Variants in AUTS2 observed in about 807,000 individuals in gnomAD.
AUTS2 encodes activator of transcription and developmental regulator AUTS2, also known as autism susceptibility gene 2 protein.
In AUTS2, 17 loss-of-function variants were observed where a neutral mutation model predicts 112.4. The observed-to-expected ratio is 0.15, with a 90% CI of 0.10 to 0.23. The LOEUF (loss-of-function observed/expected upper bound fraction) is 0.23. Among genes scored for constraint, AUTS2 ranks in the 10% least tolerant of loss-of-function variants. AUTS2 has a pLI of 1.00. For synonymous variants in AUTS2, 751 were observed against 702.7 expected (o/e 1.07, Z -1.09); for missense variants, 1,510 against 1,701.6 (o/e 0.89, Z 1.98).
intron 5 of AUTS2, among the ~76,000 whole-genome samples, chr7:70,500,864 A>G (rs1208477550): frequency 6.6e-6 from 1 of 151,928 alleles, no homozygotes; most frequent in African/African-American, 2.4e-5. Context: ...CTGGGATTTC[A>G]GGCATCCGCC....
chr7:69,866,779 T>C (rs1264637717), intron 1 of AUTS2, among the ~76,000 whole-genome samples: 38 of 152,178 alleles, frequency 2.5e-4, no homozygotes, highest in Admixed American at 2.5e-3. Context: ...AGAACTGAGA[T>C]AGAAGGAATT....
At chr7:70,575,101 CG>C (rs1802103597) in intron 5 of AUTS2, among the ~76,000 whole-genome samples, 1 of 152,178 alleles carries the variant, frequency 6.6e-6, no homozygotes, top group Admixed American at 6.5e-5. Context: ...CTGCAGACAG[CG>C]AAGGCTTTAT....
chr7:69,752,408 T>C (rs1165899339), intron 1 of AUTS2, among the ~76,000 whole-genome samples: 1 of 152,258 alleles, frequency 6.6e-6, no homozygotes, highest in East Asian at 1.9e-4. Flanking sequence ...ATTAGTCTTT[T>C]TCTTCTTTAT....
intron 4 of AUTS2, among the ~76,000 whole-genome samples, chr7:70,229,777 A>G (rs781493689): frequency 6.6e-5 from 10 of 151,972 alleles, no homozygotes; most frequent in Non-Finnish European, 1.0e-4. Flanking sequence ...TGTTCTTCAG[A>G]TTTACAACCT....
At chr7:70,111,135 T>C (rs558881064) in intron 2 of AUTS2, among the ~76,000 whole-genome samples, 10 of 152,146 alleles carry the variant, frequency 6.6e-5, no homozygotes, top group Admixed American at 3.9e-4. Context: ...CGCCTCGGCC[T>C]CCCAAAGTAC....
In AUTS2 at chr7:70,463,441, C is replaced by T. The variant is rs114714955; in HGVS notation, c.690+27660C>T. 1.0e-3 allele frequency among the ~76,000 whole-genome samples: 159 copies of T among 152,272 alleles called. 1 individual carries two copies. The highest frequency in any genetic ancestry group is 3.7e-3 in the African/African-American group (155 of 41,550). ...TAGGACATTGGAGTACTTGTTGCAGCGTGCAAGAAGTGGACTTTGTCCAGC... is the reference window on the plus strand; with the variant it reads ...TAGGACATTGGAGTACTTGTTGCAGTGTGCAAGAAGTGGACTTTGTCCAGC... On this transcript the variant is annotated intron_variant, in intron 5 of 18. Transcript: ENST00000342771.
At chr7:69,979,056 T>C (rs1312374475) in intron 2 of AUTS2, among the ~76,000 whole-genome samples, 1 of 152,188 alleles carries the variant, frequency 6.6e-6, no homozygotes, top group Non-Finnish European at 1.5e-5. Flanking sequence ...TTTGGAAATT[T>C]ACATAATCAT....
intron 1 of AUTS2, among the ~76,000 whole-genome samples, chr7:69,718,243 T>C (rs1798724026): frequency 6.6e-6 from 1 of 152,266 alleles, no homozygotes; most frequent in Non-Finnish European, 1.5e-5. Context: ...GTGGTGGATA[T>C]GTTAGTTTCC....
Position 69,732,510 on chromosome 7 carries a change from A to G in AUTS2, c.309+132548A>G, listed in dbSNP as rs573664342. ...GCTGAGTCAGCATTGTTTCCCATGG[A>G]ATTTCTTTTTCTCTTAGCCCACAGG... On this transcript the variant is annotated intron_variant, in intron 1 of 18. Coordinates refer to ENST00000342771, the MANE Select transcript of AUTS2 (RefSeq NM_015570.4). 8.6e-5 allele frequency among the ~76,000 whole-genome samples: 13 copies of G among 151,968 alleles called. No individual in the cohort carries two copies. In the East Asian group the frequency reaches 2.5e-3, roughly 29 times the overall value.
At chr7:70,455,101 G>A (rs866903356) in intron 5 of AUTS2, among the ~76,000 whole-genome samples, 2 of 152,102 alleles carry the variant, frequency 1.3e-5, no homozygotes, top group East Asian at 1.9e-4. Context: ...GTTTATGTTC[G>A]TTTGCCAGTT....
At chr7:70,711,535 C>T (rs1025304142) in intron 6 of AUTS2, among the ~76,000 whole-genome samples, 9 of 152,170 alleles carry the variant, frequency 5.9e-5, no homozygotes, top group African/African-American at 1.9e-4. Flanking sequence ...AAACCCTGGG[C>T]GCCGAGCAGC....
intron 4 of AUTS2, among the ~76,000 whole-genome samples, chr7:70,154,424 A>G (rs1435794954): frequency 6.6e-6 from 1 of 152,224 alleles, no homozygotes; most frequent in Non-Finnish European, 1.5e-5. Context: ...ACATTTTTAT[A>G]AAGAGAGATC....
At chr7:69,625,535 C>G (rs1417253907) in intron 1 of AUTS2, among the ~76,000 whole-genome samples, 1 of 151,972 alleles carries the variant, frequency 6.6e-6, no homozygotes, top group Admixed American at 6.6e-5. Context: ...GTTAAAAGAA[C>G]ACCTAGATAA....
At chr7:69,731,103 GC>G (rs1351204487) in intron 1 of AUTS2, among the ~76,000 whole-genome samples, 2 of 152,112 alleles carry the variant, frequency 1.3e-5, no homozygotes, top group African/African-American at 4.8e-5. Flanking sequence ...ACCAGCCTGG[GC>G]AACATGCCGA....
At chr7:70,119,569 T>TG (rs1257772933) in intron 3 of AUTS2, 3 of 152,004 alleles carry the variant, frequency 2.0e-5, no homozygotes, top group African/African-American at 7.3e-5. Context: ...TTCACCATAT[T>TG]GGCCAGGCTG....
chr7:70,066,113 C>G (rs915042290), intron 2 of AUTS2, among the ~76,000 whole-genome samples: 6 of 152,132 alleles, frequency 3.9e-5, no homozygotes, highest in African/African-American at 1.4e-4. Flanking sequence ...AGAAATTAAT[C>G]AGTTTGATAA....
chr7:69,947,644 C>T (rs935719034), intron 2 of AUTS2, among the ~76,000 whole-genome samples: 84 of 152,146 alleles, frequency 5.5e-4, no homozygotes, highest in African/African-American at 1.9e-3. Context: ...GTTTCTGTTT[C>T]GGGCCATGAA....
At chr7:70,212,774 A>G (rs192435808) in intron 4 of AUTS2, among the ~76,000 whole-genome samples, 2 of 152,210 alleles carry the variant, frequency 1.3e-5, no homozygotes, top group Admixed American at 6.5e-5. Context: ...AGAAAGTATC[A>G]TCGAGTCATT....
intron 2 of AUTS2, among the ~76,000 whole-genome samples, chr7:69,960,015 T>G (rs781082704): frequency 6.6e-6 from 1 of 152,100 alleles, no homozygotes; most frequent in Non-Finnish European, 1.5e-5. Flanking sequence ...AGGAATTGTT[T>G]AGTAGGTGAT....
Sources: allele counts gnomAD v4.1 joint callset (sites outside exome capture counted in the v4.1 genomes callset), GRCh38; gene constraint gnomAD v4.1.1; transcripts MANE v1.5; gene names NCBI Gene and HGNC (gene_info 2026-07-23, HGNC 2026-07-21).